The following TRAPPC11 variants were observed in gnomAD, a reference collection of about 807,000 sequenced individuals.
TRAPPC11 encodes the protein foie gras homolog.
TRAPPC11 carries 104 observed loss-of-function variants against 151.2 expected under a neutral mutation model. The observed-to-expected ratio is 0.69, with a 90% CI of 0.59 to 0.81. The LOEUF is 0.81. TRAPPC11 is among the 30% of genes least tolerant of loss of function. The pLI is 0.00. For synonymous variants in TRAPPC11, 456 were observed against 472.3 expected, an observed-to-expected ratio of 0.97 and a Z score of 0.45; for missense variants, 1,230 against 1,349.6, an observed-to-expected ratio of 0.91 and a Z score of 1.39.
intron 1 of TRAPPC11, among the ~76,000 whole-genome samples, chr4:183,661,461 T>A (rs1408142107): frequency 7.6e-6 from 1 of 131,030 alleles, no homozygotes; most frequent in African/African-American, 2.8e-5. Flanking sequence ...AAGCTCCGCC[T>A]CCCGGGTTCA....
intron 5 of TRAPPC11, among the ~76,000 whole-genome samples, chr4:183,670,481 A>G: frequency 6.6e-6 from 1 of 152,218 alleles, no homozygotes. Context: ...CCACGCACAT[A>G]CTTTGCCTTT....
Position 183,667,059 on chromosome 4 carries a change from G to A in TRAPPC11, c.375-1G>A. On this transcript the variant is annotated splice_acceptor_variant, in intron 3 of 29. Coordinates refer to ENST00000334690, the MANE Select transcript of TRAPPC11 (RefSeq NM_021942.6). LOFTEE classifies it high-confidence loss of function. ...ATTTTATTCTTGCTTTTTCATTGCA[G>A]GCAAAGTTTACAAGGAAGAAACACA... 1 of 1,588,322 alleles carries A rather than the reference G, an allele frequency of 6.3e-7. No homozygotes were observed. Among genetic ancestry groups the A allele is most frequent in the African/African-American group, 1.3e-5 (1 of 74,720 alleles).
chr4:183,669,995 A>G (rs1353436893), intron 5 of TRAPPC11, among the ~76,000 whole-genome samples: 2 of 152,274 alleles, frequency 1.3e-5, no homozygotes, highest in African/African-American at 4.8e-5. Flanking sequence ...GCATGTGGAT[A>G]CAAGATGGGG....
At chr4:183,664,133 T>C (rs1736038047) in intron 2 of TRAPPC11, 62 bp downstream of exon 2, 2 of 1,427,770 alleles carry the variant, frequency 1.4e-6, no homozygotes, top group Non-Finnish European at 2.0e-6. Flanking sequence ...TGTGTGTGTC[T>C]TTTTTGTTCT....
chr4:183,660,170 T>C (rs1296986339), intron 1 of TRAPPC11, among the ~76,000 whole-genome samples: 2 of 152,254 alleles, frequency 1.3e-5, no homozygotes, highest in African/African-American at 2.4e-5. Flanking sequence ...ATTCCTTTGC[T>C]GCAGAATAAG....
At chr4:183,696,569 A>G (rs1201919097) in intron 23 of TRAPPC11, among the ~76,000 whole-genome samples, 2 of 151,676 alleles carry the variant, frequency 1.3e-5, no homozygotes, top group Non-Finnish European at 2.9e-5. Context: ...CAGATTTTTT[A>G]TATTTTTGGT....
chr4:183,701,632 G>T, intron 25 of TRAPPC11, 65 bp from the exon 26 acceptor site: 1 of 1,069,122 alleles, frequency 9.4e-7, no homozygotes, highest in Non-Finnish European at 1.5e-6. Flanking sequence ...CTGTTACTTG[G>T]ATGTGAAACT....
intron 26 of TRAPPC11, among the ~76,000 whole-genome samples, chr4:183,703,355 C>T (rs113364196): frequency 9.7e-4 from 148 of 152,286 alleles, no homozygotes; most frequent in Non-Finnish European, 1.7e-3. Flanking sequence ...TGTAATTTTA[C>T]TAAGAAGTAA....
Position 183,687,510 on chromosome 4 carries a change from G to A in TRAPPC11, c.1893+762G>A, listed in dbSNP as rs187321172. Among the ~76,000 whole-genome samples the A allele has an allele frequency of 5.7e-3, 870 of 151,948 alleles. 6 individuals carry two copies. Among genetic ancestry groups the A allele is most frequent in the Non-Finnish European group, 8.8e-3 (598 of 67,976 alleles). ...CGTCTGGCTAACTTTTGTATTTTTTGTAGAGACAGGGTTTTGCTGTGTTGC... is the reference window on the plus strand; with the variant it reads ...CGTCTGGCTAACTTTTGTATTTTTTATAGAGACAGGGTTTTGCTGTGTTGC... On this transcript the variant is annotated intron_variant, in intron 18 of 29. Transcript: ENST00000334690.
In TRAPPC11 at chr4:183,684,623, A is replaced by G. The variant is rs2111364578; in HGVS notation, c.1422-73A>G. 5 of 1,491,236 alleles carry G rather than the reference A, an allele frequency of 3.4e-6. No homozygotes were observed. The East Asian group carries it at 9.1e-5, about 27-fold the overall frequency. The allele number at this position is 1,491,236 out of a possible 1,614,324, so 92.4% of individuals were successfully genotyped here. A position where few individuals can be genotyped will look rare whatever the true frequency, so the allele number is the denominator to read the frequency against. On this transcript the variant is annotated intron_variant, in intron 14 of 29. Transcript: ENST00000334690. ...TATACTTACATAAAATGAGGAAAGT[A>G]TTTTTTTCTCCATGAACTCTTCGAA... is the stretch of plus-strand genomic sequence containing the variant.
intron 2 of TRAPPC11, among the ~76,000 whole-genome samples, chr4:183,665,140 G>A (rs1407842255): frequency 6.8e-6 from 1 of 146,936 alleles, no homozygotes; most frequent in Non-Finnish European, 1.5e-5. Flanking sequence ...TGTCCCCGAG[G>A]CTGGAGTGCT....
intron 28 of TRAPPC11, among the ~76,000 whole-genome samples, chr4:183,707,557 A>T (rs4583804): frequency 6.6e-6 from 1 of 151,884 alleles, no homozygotes; most frequent in African/African-American, 2.4e-5. Flanking sequence ...AACAGAGATG[A>T]CCCTCCAAAG....
intron 5 of TRAPPC11, among the ~76,000 whole-genome samples, chr4:183,671,513 GC>G (rs1415034054): frequency 6.6e-6 from 1 of 152,126 alleles, no homozygotes; most frequent in Admixed American, 6.6e-5. Flanking sequence ...GCAGCCTTTA[GC>G]ACAGGATCTA....
At chr4:183,697,450 T>C (rs1579212567) in intron 23 of TRAPPC11, 53 bp from the exon 24 acceptor site, 44 of 1,546,570 alleles carry the variant, frequency 2.8e-5, no homozygotes, top group Non-Finnish European at 3.3e-5. Flanking sequence ...TTTAAAACTT[T>C]ATATAAAAAG....
At position 183,684,312 on chromosome 4, in the gene TRAPPC11, G is replaced by T. The variant is rs1401004913; in HGVS notation, c.1374G>T (p.Gln458His). 2 of 1,613,756 alleles carry T rather than the reference G, an allele frequency of 1.2e-6. No individual in the cohort carries two copies. Among genetic ancestry groups the T allele is most frequent in the African/African-American group, 1.3e-5 (1 of 75,038 alleles). Residue 458 changes from glutamine (Q) to histidine (H), a missense_variant, in exon 14 of 30, where the codon CAG becomes CAT. Transcript: ENST00000334690. The stretch of plus-strand genomic sequence containing the variant: ...TCTTTTTTTCCTTTATAGTGGTTCA[G>T]ATGGGAGAGGAATATTATTACGCAA... The part of the protein sequence containing the change: ...CPRMKSHLMV[Q>H]MGEEYYYAKD...
chr4:183,666,218 C>T, intron 2 of TRAPPC11, 39 bp from the exon 3 acceptor site: 1 of 1,588,998 alleles, frequency 6.3e-7, no homozygotes, highest in Non-Finnish European at 8.6e-7. Context: ...GGTTTCTGCT[C>T]CTGTCAGGTA....
At chr4:183,688,665 TATTCAACTTCAGA>T (rs1439859889) in intron 18 of TRAPPC11, among the ~76,000 whole-genome samples, 2 of 152,258 alleles carry the variant, frequency 1.3e-5, no homozygotes, top group East Asian at 3.8e-4. Context: ...CAGTATGTTC[TATTCAACTTCAGA>T]CCCTTGCCCA....
chr4:183,685,322 G>T lies in TRAPPC11; in HGVS notation c.1681G>T (p.Ala561Ser). ...PDCDILAVKT[A>S]QKLWADRISL... is the part of the protein sequence containing the mutation. Reference sequence around the variant, plus strand: ...CTGTGATATCTTAGCTGTGAAAACTGCTCAGAAGCTGTGGGCAGACCGAAT... The same window carrying T: ...CTGTGATATCTTAGCTGTGAAAACTTCTCAGAAGCTGTGGGCAGACCGAAT... Residue 561 changes from alanine to serine, a missense_variant, in exon 17 of 30, where the codon GCT (alanine) becomes TCT (serine). Coordinates refer to ENST00000334690, the MANE Select transcript of TRAPPC11 (RefSeq NM_021942.6). 1.2e-6 allele frequency: 2 copies of T among 1,614,122 alleles called. No homozygotes were observed. The highest frequency in any genetic ancestry group is 8.5e-7 in the Non-Finnish European group (1 of 1,179,998).
chr4:183,669,656 T>C (rs1579164276), intron 5 of TRAPPC11, among the ~76,000 whole-genome samples: 1 of 152,300 alleles, frequency 6.6e-6, no homozygotes, highest in Admixed American at 6.5e-5. Flanking sequence ...ATGATTGCCA[T>C]AACTGAGGGG....
Sources: allele counts gnomAD v4.1 joint callset (sites outside exome capture counted in the v4.1 genomes callset), GRCh38; gene constraint gnomAD v4.1.1; transcripts MANE v1.5; gene names NCBI Gene and HGNC (gene_info 2026-07-23, HGNC 2026-07-21).